The following MAP4K1 variants were observed in gnomAD, a reference collection of about 807,000 sequenced individuals.
The protein encoded by MAP4K1 is MAPK/ERK kinase kinase kinase 1.
A neutral mutation model predicts 122.8 loss-of-function variants in MAP4K1; 35 were observed. That is an observed-to-expected ratio of 0.29 (90% CI 0.22 to 0.38). The LOEUF (loss-of-function observed/expected upper bound fraction) is 0.38. MAP4K1 is among the 10% of genes least tolerant of loss of function. MAP4K1 has a pLI of 1.00. For missense variants in MAP4K1, 791 were observed against 1,072.6 expected (o/e 0.74, Z 3.67); for synonymous variants, 412 against 421.3 (o/e 0.98, Z 0.27).
chr19:38,605,527 C>T (rs1975298838), intron 18 of MAP4K1, 36 bp from the exon 19 acceptor site: 4 of 1,537,486 alleles, frequency 2.6e-6, no homozygotes, highest in Non-Finnish European at 2.6e-6. Context: ...CCCCCAAGAA[C>T]CCCCAACCCT....
rs894058521 is a variant in MAP4K1 at position 38,611,918 on chromosome 19, G to A, written c.666-613C>T. ...GTTCAAGACCAGCCTGGTCAACATA[G>A]TGAAACCCCGTCTCTACCAAAACAT... On this transcript the variant is annotated intron_variant, in intron 9 of 30. Transcript: ENST00000396857. Among the ~76,000 whole-genome samples, 24 of 152,112 alleles carry A rather than the reference G, an allele frequency of 1.6e-4. No homozygotes were observed. In the East Asian group the frequency reaches 4.5e-3, roughly 28 times the overall value.
At chr19:38,602,549 T>C (rs746486541) in intron 19 of MAP4K1, among the ~76,000 whole-genome samples, 1 of 147,504 alleles carries the variant, frequency 6.8e-6, no homozygotes, top group Non-Finnish European at 1.5e-5. Flanking sequence ...CATATACATA[T>C]ATATACACAC....
intron 29 of MAP4K1, 139 bp from the exon 30 acceptor site, chr19:38,593,476 G>T (rs1974787649): frequency 1.7e-6 from 1 of 602,140 alleles, no homozygotes; most frequent in Non-Finnish European, 2.8e-6. Flanking sequence ...GCCGAAGTGG[G>T]TGGATCACCT....
chr19:38,614,925 A>AG (rs1975604898), intron 4 of MAP4K1: 1 of 137,102 alleles, frequency 7.3e-6, no homozygotes, highest in African/African-American at 2.9e-5. Flanking sequence ...CTGTCTCAAA[A>AG]AAAAAAAAAA....
At chr19:38,614,690 G>A in intron 4 of MAP4K1, 1 of 544,666 alleles carries the variant, frequency 1.8e-6, no homozygotes, top group Non-Finnish European at 3.3e-6. Flanking sequence ...GGAGGCCAAG[G>A]TGGGTGGATC....
chr19:38,590,395 ATATATATATATATAT>A (rs1411672511), intron 30 of MAP4K1, among the ~76,000 whole-genome samples: 6 of 19,482 alleles, frequency 3.1e-4, no homozygotes, highest in African/African-American at 1.5e-3. Flanking sequence ...AAAAAAAAAA[ATATATATATATATAT>A]ATATATATAT....
chr19:38,608,823 A>C (rs891975077), intron 13 of MAP4K1, among the ~76,000 whole-genome samples: 12 of 149,104 alleles, frequency 8.0e-5, no homozygotes, highest in African/African-American at 1.5e-4. Context: ...AAAAAAAAAA[A>C]AAAAAACATT....
intron 26 of MAP4K1, 21 bp downstream of exon 26, chr19:38,596,291 G>A (rs1311067156): frequency 6.5e-7 from 1 of 1,532,962 alleles, no homozygotes. Context: ...CCCGCCCTCA[G>A]CAAGACTCCG....
intron 25 of MAP4K1, 99 bp from the exon 26 acceptor site, chr19:38,596,585 C>T (rs1974893950): frequency 1.9e-6 from 2 of 1,044,308 alleles, no homozygotes; most frequent in Admixed American, 2.8e-5. Context: ...AACCAGGGCC[C>T]TAAGTCTTGG....
chr19:38,609,803 C>T, intron 12 of MAP4K1, 106 bp downstream of exon 12: 2 of 1,299,382 alleles, frequency 1.5e-6, no homozygotes, highest in Non-Finnish European at 2.2e-6. Flanking sequence ...CATCCTCCCT[C>T]CCTGTTTTCC....
chr19:38,611,223 C>T lies in MAP4K1; in HGVS notation c.728+20G>A, dbSNP rs372318518. The T allele has an allele frequency of 6.2e-7, 1 of 1,611,580 alleles. No homozygotes were observed. Among genetic ancestry groups the T allele is most frequent in the Non-Finnish European group, 8.5e-7 (1 of 1,177,902 alleles). On this transcript the variant is annotated intron_variant, in intron 10 of 30. Coordinates refer to ENST00000396857, the MANE Select transcript of MAP4K1 (RefSeq NM_001042600.3). ...CCAGCCCTGCCCTCTCTCACCCTCC[C>T]TCCTGTTACTCTCTCGTACCATTTG...
chr19:38,605,869 C>T (rs1229723724), intron 17 of MAP4K1, 139 bp from the exon 18 acceptor site: 3 of 793,768 alleles, frequency 3.8e-6, no homozygotes, highest in Non-Finnish European at 3.9e-6. Context: ...TCTTGTGCCC[C>T]CTCCAGCCTT....
Position 38,590,229 on chromosome 19 carries a change from A to T in MAP4K1, c.2397-2412T>A, listed in dbSNP as rs1436376445. Among the ~76,000 whole-genome samples the T allele has an allele frequency of 5.3e-5, 8 of 151,248 alleles. No homozygotes were observed. In the East Asian group the frequency reaches 1.6e-3, roughly 29 times the overall value. Reference sequence around the variant, plus strand: ...TTCAGAACGTGGAAACCTCAAACACAGTTAAGGGACATTTTAGAAAACAAA... The same window carrying T: ...TTCAGAACGTGGAAACCTCAAACACTGTTAAGGGACATTTTAGAAAACAAA... On this transcript the variant is annotated intron_variant, in intron 30 of 30. Coordinates refer to ENST00000396857, the MANE Select transcript of MAP4K1 (RefSeq NM_001042600.3).
At chr19:38,601,394 G>C in intron 20 of MAP4K1, 47 bp downstream of exon 20, 1 of 1,519,900 alleles carries the variant, frequency 6.6e-7, no homozygotes, top group Middle Eastern at 1.7e-4. Flanking sequence ...CCCTACTTTT[G>C]CTCTCCCATT....
intron 9 of MAP4K1, among the ~76,000 whole-genome samples, chr19:38,612,266 A>C (rs1223026850): frequency 6.6e-6 from 1 of 151,698 alleles, no homozygotes; most frequent in Non-Finnish European, 1.5e-5. Context: ...CTAAAAATAC[A>C]AAAATTAGCC....
At chr19:38,607,697 T>A (rs1220851916) in intron 16 of MAP4K1, among the ~76,000 whole-genome samples, 167 bp downstream of exon 16, 4 of 151,020 alleles carry the variant, frequency 2.6e-5, no homozygotes, top group Non-Finnish European at 5.9e-5. Flanking sequence ...CCTAGGTAGC[T>A]GGGCAGAGGG....
At chr19:38,591,527 A>C (rs1483885245) in intron 30 of MAP4K1, among the ~76,000 whole-genome samples, 1 of 107,768 alleles carries the variant, frequency 9.3e-6, no homozygotes, top group East Asian at 3.6e-4. Context: ...ACTCCATCTC[A>C]AAAAAAAAAA....
chr19:38,600,017 C>T, intron 21 of MAP4K1, 32 bp from the exon 22 acceptor site: 1 of 1,613,934 alleles, frequency 6.2e-7, no homozygotes, highest in Non-Finnish European at 8.5e-7. Context: ...GCTCTGGTGA[C>T]ACCCCAGCAA....
chr19:38,614,033 C>A lies in MAP4K1; in HGVS notation c.460+10G>T. 6.2e-7 allele frequency: 1 copy of A among 1,610,674 alleles called. No individual in the cohort carries two copies. Among genetic ancestry groups the A allele is most frequent in the Non-Finnish European group, 8.5e-7 (1 of 1,177,886 alleles). ...GTCAGCCCCCCTGCTCAACCCCCAG[C>A]CTTACTCACCCAATCTGACCTCCCC... On this transcript the variant is annotated intron_variant, in intron 7 of 30. Coordinates refer to ENST00000396857, the MANE Select transcript of MAP4K1 (RefSeq NM_001042600.3).
Sources: allele counts gnomAD v4.1 joint callset (sites outside exome capture counted in the v4.1 genomes callset), GRCh38; gene constraint gnomAD v4.1.1; transcripts MANE v1.5; gene names NCBI Gene and HGNC (gene_info 2026-07-23, HGNC 2026-07-21).